The following COMMD10 variants were observed in gnomAD, a reference collection of about 807,000 sequenced individuals.
COMMD10 encodes COMM domain-containing protein 10.
In COMMD10, 33 loss-of-function variants were observed where a neutral mutation model predicts 28.9. The observed-to-expected ratio is 1.14, with a 90% CI of 0.87 to 1.53. COMMD10 has a LOEUF of 1.53. Ranked by LOEUF, COMMD10 falls within the 40% of genes most tolerant of loss-of-function variation. COMMD10 has a pLI of 0.00. For missense variants in COMMD10, 310 were observed against 233.4 expected (o/e 1.33, Z -2.14); for synonymous variants, 110 against 81.7 (o/e 1.35, Z -1.87).
At chr5:116,279,695 G>T (rs1164728170) in intron 5 of COMMD10, among the ~76,000 whole-genome samples, 1 of 151,722 alleles carries the variant, frequency 6.6e-6, no homozygotes, top group African/African-American at 2.4e-5. Flanking sequence ...TTTTAACTTG[G>T]CAATGGTATT....
chr5:116,091,244 T>C, intron 3 of COMMD10, 55 bp downstream of exon 3: 2 of 905,872 alleles, frequency 2.2e-6, no homozygotes, highest in East Asian at 5.2e-5. Context: ...CATATTTGTA[T>C]TGTTATGATA....
rs1129494 is a variant in COMMD10 at position 116,092,637 on chromosome 5, G to T, written c.336G>T (p.Thr112=). 0.61 allele frequency: 983,104 copies of T among 1,608,550 alleles called. 309,034 individuals are homozygous for T. The highest frequency in any genetic ancestry group is 0.65 in the Non-Finnish European group (766,709 of 1,177,016). ...ACAAAGCTGAAGCATTTGTCAATAC[G>T]TGGTCTTCTATGGGTCAAGAAACAG... ...RQDKAEAFVN[T]WSSMGQETVE... The change falls in exon 4 of 7, where the codon ACG becomes ACT. Residue 112 remains threonine, a synonymous_variant. Transcript: ENST00000274458.
At chr5:116,277,701 G>A (rs1750956693) in intron 5 of COMMD10, among the ~76,000 whole-genome samples, 1 of 151,858 alleles carries the variant, frequency 6.6e-6, no homozygotes, top group Non-Finnish European at 1.5e-5. Context: ...GATAAGAAGT[G>A]TAAATTTAAC....
At chr5:116,259,974 C>T (rs1253103557) in intron 5 of COMMD10, among the ~76,000 whole-genome samples, 2 of 151,710 alleles carry the variant, frequency 1.3e-5, no homozygotes, top group Admixed American at 1.3e-4. Context: ...AATCACATCT[C>T]CTCTGATTTG....
intron 5 of COMMD10, among the ~76,000 whole-genome samples, chr5:116,210,765 C>G (rs996395457): frequency 6.6e-6 from 1 of 152,102 alleles, no homozygotes; most frequent in South Asian, 2.1e-4. Flanking sequence ...ACTATACGAT[C>G]TTGTCCAAGT....
chr5:116,239,566 A>G (rs1749761059), intron 5 of COMMD10, among the ~76,000 whole-genome samples: 1 of 152,192 alleles, frequency 6.6e-6, no homozygotes, highest in African/African-American at 2.4e-5. Context: ...TTAGCTTTGT[A>G]TTGGAGTGGC....
At chr5:116,171,470 C>A (rs7448122) in intron 5 of COMMD10, among the ~76,000 whole-genome samples, 47,153 of 151,968 alleles carry the variant, frequency 0.31, 10,220 homozygotes, top group African/African-American at 0.62. Context: ...CAGCAATCCC[C>A]TTACTGGGTA....
At chr5:116,156,360 G>C (rs1752710965) in intron 5 of COMMD10, among the ~76,000 whole-genome samples, 1 of 152,026 alleles carries the variant, frequency 6.6e-6, no homozygotes, top group Non-Finnish European at 1.5e-5. Context: ...AACAATAGTA[G>C]GTGCCTCACA....
intron 4 of COMMD10, among the ~76,000 whole-genome samples, chr5:116,127,998 G>A (rs1751720634): frequency 6.6e-6 from 1 of 152,008 alleles, no homozygotes; most frequent in Non-Finnish European, 1.5e-5. Context: ...AAATTGTTTT[G>A]TGAAACCTTT....
intron 5 of COMMD10, among the ~76,000 whole-genome samples, chr5:116,153,419 C>G (rs1173041940): frequency 2.0e-5 from 3 of 152,064 alleles, no homozygotes; most frequent in African/African-American, 4.8e-5. Flanking sequence ...GCCTTGAATT[C>G]TAGTCAGCCT....
chr5:116,098,987 A>G (rs991242362), intron 4 of COMMD10, among the ~76,000 whole-genome samples: 5 of 152,190 alleles, frequency 3.3e-5, no homozygotes, highest in African/African-American at 1.2e-4. Context: ...GCGTGAGGAC[A>G]TTTAAGATCT....
intron 5 of COMMD10, among the ~76,000 whole-genome samples, chr5:116,212,113 A>G (rs1390324741): frequency 6.6e-6 from 1 of 152,126 alleles, no homozygotes; most frequent in African/African-American, 2.4e-5. Flanking sequence ...CCTGAACACA[A>G]CTTGATAAAT....
chr5:116,253,645 G>A (rs1750190104), intron 5 of COMMD10, among the ~76,000 whole-genome samples: 1 of 144,860 alleles, frequency 6.9e-6, no homozygotes, highest in South Asian at 2.2e-4. Flanking sequence ...CAGGGATGAA[G>A]CCCACTTGAT....
At chr5:116,252,405 T>G (rs2112675266) in intron 5 of COMMD10, among the ~76,000 whole-genome samples, 1 of 136,828 alleles carries the variant, frequency 7.3e-6, no homozygotes, top group Admixed American at 7.5e-5. Flanking sequence ...ATTGCCTAGG[T>G]TTTCTTCTAG....
intron 5 of COMMD10, among the ~76,000 whole-genome samples, chr5:116,171,873 T>G (rs1753347207): frequency 6.6e-6 from 1 of 152,168 alleles, no homozygotes; most frequent in South Asian, 2.1e-4. Flanking sequence ...AAATACCTAA[T>G]GTAGATGACG....
chr5:116,142,298 A>G (rs1752219939), intron 5 of COMMD10, among the ~76,000 whole-genome samples: 1 of 151,840 alleles, frequency 6.6e-6, no homozygotes, highest in Non-Finnish European at 1.5e-5. Flanking sequence ...ATTTCTTAAT[A>G]ATTCTTACCC....
intron 5 of COMMD10, 27 bp downstream of exon 5, chr5:116,134,205 A>T (rs1407282331): frequency 3.8e-6 from 5 of 1,332,646 alleles, no homozygotes; most frequent in Admixed American, 1.7e-5. Flanking sequence ...CATTAAAAGG[A>T]TGTATTTTGT....
chr5:116,135,419 A>G (rs1236633655), intron 5 of COMMD10, among the ~76,000 whole-genome samples: 1 of 152,234 alleles, frequency 6.6e-6, no homozygotes, highest in Non-Finnish European at 1.5e-5. Context: ...CATATAATGT[A>G]TTAGTTTATT....
intron 5 of COMMD10, among the ~76,000 whole-genome samples, chr5:116,217,342 C>T (rs1749133125): frequency 1.3e-5 from 2 of 152,068 alleles, no homozygotes; most frequent in Admixed American, 6.6e-5. Flanking sequence ...AATGGACTAC[C>T]GAAAATCAGA....
Sources: gnomAD v4.1 joint callset for allele counts (sites outside exome capture counted in the v4.1 genomes callset) on GRCh38, gnomAD v4.1.1 for gene constraint, MANE v1.5 for transcripts, NCBI Gene and HGNC (gene_info 2026-07-23, HGNC 2026-07-21) for gene names.